The following ODAPH variants were observed in gnomAD, a reference collection of about 807,000 sequenced individuals.
ODAPH encodes the protein amelogenesis imperfecta type IIA4.
Under a neutral mutation model 2.8 loss-of-function variants are expected in ODAPH, and 2 were observed. That is an observed-to-expected ratio of 0.72 (90% confidence interval 0.30 to 2.28). The LOEUF (loss-of-function observed/expected upper bound fraction) is 2.28, where lower values mean the gene tolerates loss of function less well. Ranked by LOEUF, ODAPH falls within the 30% of genes most tolerant of loss-of-function variation. The pLI is 0.13. For missense variants in ODAPH, 159 were observed against 163.3 expected (o/e 0.97, Z 0.14); for synonymous variants, 75 against 60.3 (o/e 1.24, Z -1.13).
chr4:75,564,658 T>C lies in ODAPH; in HGVS notation c.*219T>C, dbSNP rs1180028370. 1.1e-6 allele frequency: 1 copy of C among 897,178 alleles called. No homozygotes were observed. 55.6% of individuals were successfully genotyped at this position (897,178 alleles called of 1,614,324 possible). A position where few individuals can be genotyped will look rare whatever the true frequency, so the allele number is the denominator to read the frequency against. On this transcript the variant is annotated 3_prime_UTR_variant, in exon 2 of 2. Transcript: ENST00000311623. ...GCAAAATTGGACAATAACCACGTTA[T>C]TTTTATCCTCAACCTCTTATGGTCA...
chr4:75,563,161 G>A (rs1244786038), intron 1 of ODAPH: 1 of 151,538 alleles, frequency 6.6e-6, no homozygotes, highest in Non-Finnish European at 1.5e-5. Flanking sequence ...GAGTAGCTGG[G>A]ACTACAGGCG....
At chr4:75,556,465 A>G in intron 1 of ODAPH, 1 of 1,288,916 alleles carries the variant, frequency 7.8e-7, no homozygotes. Context: ...TCTGTGAAAA[A>G]CTCTTCAAGC....
In ODAPH at chr4:75,564,587, C is replaced by T; in HGVS notation, c.*148C>T. On this transcript the variant is annotated 3_prime_UTR_variant, in exon 2 of 2. Coordinates refer to ENST00000311623, the MANE Select transcript of ODAPH (RefSeq NM_178497.5). ...TAAACATCACTGACTAGAAACTGTT[C>T]TCTTTGTCAGCAGTGAAGATATTGG... The T allele has an allele frequency of 6.6e-7, 1 of 1,514,496 alleles. No individual in the cohort carries two copies. Among genetic ancestry groups the T allele is most frequent in the South Asian group, 1.2e-5 (1 of 82,138 alleles). 93.8% of individuals were successfully genotyped at this position (1,514,496 alleles called of 1,614,324 possible).
chr4:75,559,147 A>G (rs145968352), intron 1 of ODAPH, among the ~76,000 whole-genome samples: 153 of 152,352 alleles, frequency 1.0e-3, no homozygotes, highest in African/African-American at 3.6e-3. Flanking sequence ...GCCAGGGACT[A>G]TTCTAGGTGC....
At chr4:75,560,897 A>C (rs1228133947) in intron 1 of ODAPH, among the ~76,000 whole-genome samples, 2 of 152,202 alleles carry the variant, frequency 1.3e-5, no homozygotes, top group Non-Finnish European at 1.5e-5. Context: ...CTGAGCTGAC[A>C]GCAAAATGTC....
intron 1 of ODAPH, among the ~76,000 whole-genome samples, chr4:75,562,957 G>T (rs1727641339): frequency 7.6e-6 from 1 of 132,100 alleles, no homozygotes; most frequent in African/African-American, 2.8e-5. Context: ...TTTTTCAGCT[G>T]AATTTTCTTT....
chr4:75,557,032 A>G (rs149898002), intron 1 of ODAPH, among the ~76,000 whole-genome samples: 31 of 152,208 alleles, frequency 2.0e-4, no homozygotes, highest in African/African-American at 7.5e-4. Flanking sequence ...CTCAGAGCTC[A>G]CAATAGACAG....
In ODAPH at chr4:75,563,005, CTTTTTTTTTTTTTT is replaced by C. The variant is rs542417085; in HGVS notation, c.68-1085_68-1072del. Among the ~76,000 whole-genome samples, 284 of 59,454 alleles carry C rather than the reference CTTTTTTTTTTTTTT, an allele frequency of 4.8e-3. 1 individual carries two copies. The highest frequency in any genetic ancestry group is 6.7e-3 in the Non-Finnish European group (214 of 32,108). The allele number at this position is 59,454 out of a possible 152,430, so 39.0% of individuals were successfully genotyped here. A position where few individuals can be genotyped will look rare whatever the true frequency, so the allele number is the denominator to read the frequency against. On this transcript the variant is annotated intron_variant, in intron 1 of 1. Coordinates refer to ENST00000311623, the MANE Select transcript of ODAPH (RefSeq NM_178497.5). ...TTTACATGCAATAAAATCCACACAT[CTTTTTTTTTTTTTT>C]TTTTTTTTTTTTTTTTTTTTTTTGA... is the stretch of plus-strand genomic sequence containing the variant.
intron 1 of ODAPH, among the ~76,000 whole-genome samples, chr4:75,560,132 G>T (rs1461650088): frequency 1.3e-5 from 2 of 152,168 alleles, no homozygotes; most frequent in Admixed American, 1.3e-4. Context: ...AGGAGGCAGG[G>T]TTAGATTCCA....
Position 75,564,578 on chromosome 4 carries a change from G to A in ODAPH, c.*139G>A, listed in dbSNP as rs1489327847. On this transcript the variant is annotated 3_prime_UTR_variant, in exon 2 of 2. Coordinates refer to ENST00000311623, the MANE Select transcript of ODAPH (RefSeq NM_178497.5). ...TAAGTATCCTAAACATCACTGACTA[G>A]AAACTGTTCTCTTTGTCAGCAGTGA... 6.5e-7 allele frequency: 1 copy of A among 1,534,970 alleles called. No individual in the cohort carries two copies. Among genetic ancestry groups the A allele is most frequent in the African/African-American group, 1.4e-5 (1 of 72,564 alleles).
In ODAPH at chr4:75,556,155, G is replaced by C. The variant is rs1170398296; in HGVS notation, c.67+6G>C. The C allele has an allele frequency of 1.9e-6, 3 of 1,613,656 alleles. No individual in the cohort carries two copies. Among genetic ancestry groups the C allele is most frequent in the African/African-American group, 1.3e-5 (1 of 74,864 alleles). ...GGTGGTAACTGTGGCAGAAGGTAAG[G>C]GTTTTGCTTTTATTCTACTGTGGGT... On this transcript the variant is annotated splice_donor_region_variant and intron_variant, in intron 1 of 1. Coordinates refer to ENST00000311623, the MANE Select transcript of ODAPH (RefSeq NM_178497.5).
chr4:75,564,423 C>T lies in ODAPH; in HGVS notation c.377C>T (p.Ser126Leu), dbSNP rs138123570. Residue 126 changes from serine (S) to leucine (L), a missense_variant, in exon 2 of 2, where the codon TCA (serine) becomes TTA (leucine). Ser to Leu is a moderately radical substitution (Grantham distance 145). Transcript: ENST00000311623. ...FPRRRLQRGSSSEES is the reference protein window; with the variant it reads ...FPRRRLQRGSLSEES ...AGAAGAAGACTCCAGAGAGGAAGCT[C>T]ATCTGAGGAAAGCTGAGAGGGAAGA... is the stretch of plus-strand genomic sequence containing the variant. The T allele has an allele frequency of 7.8e-5, 126 of 1,614,136 alleles. 2 individuals are homozygous for T. The South Asian group carries it at 1.2e-3, about 15-fold the overall frequency.
chr4:75,558,562 G>C (rs1010266692), intron 1 of ODAPH, among the ~76,000 whole-genome samples: 1 of 149,648 alleles, frequency 6.7e-6, no homozygotes, highest in Non-Finnish European at 1.5e-5. Context: ...AAAAGTACTT[G>C]TTTTTAAAGT....
chr4:75,561,539 AG>A (rs1727577429), intron 1 of ODAPH, among the ~76,000 whole-genome samples: 1 of 152,064 alleles, frequency 6.6e-6, no homozygotes, highest in African/African-American at 2.4e-5. Flanking sequence ...AAGAATAGCT[AG>A]GGCTCCCTGA....
chr4:75,556,231 C>G, intron 1 of ODAPH, 82 bp downstream of exon 1: 1 of 1,304,520 alleles, frequency 7.7e-7, no homozygotes, highest in Non-Finnish European at 1.1e-6. Context: ...CATGATTATA[C>G]GTTCCCATAA....
chr4:75,564,204 C>T lies in ODAPH; in HGVS notation c.158C>T (p.Ala53Val). The T allele has an allele frequency of 6.2e-7, 1 of 1,614,206 alleles. No individual in the cohort carries two copies. Among genetic ancestry groups the T allele is most frequent in the Non-Finnish European group, 8.5e-7 (1 of 1,180,040 alleles). ...ATCTTTACACTCACCCCTCCACCTG[C>T]CCCGAGGAGTCCGGTCACAAGGGCC... Reference protein sequence around the residue: ...CQIFTLTPPPAPRSPVTRAQP... With the variant: ...CQIFTLTPPPVPRSPVTRAQP... Residue 53 changes from alanine to valine, a missense_variant, in exon 2 of 2, where the codon GCC becomes GTC. Physicochemically the swap from Ala to Val is moderately conservative, Grantham distance 64. Coordinates refer to ENST00000311623, the MANE Select transcript of ODAPH (RefSeq NM_178497.5).
intron 1 of ODAPH, among the ~76,000 whole-genome samples, chr4:75,562,452 G>T (rs958875901): frequency 6.6e-6 from 1 of 150,862 alleles, no homozygotes; most frequent in Non-Finnish European, 1.5e-5. Flanking sequence ...CAATTCTCCT[G>T]CCTCAGCCTC....
intron 1 of ODAPH, among the ~76,000 whole-genome samples, chr4:75,558,958 A>G (rs2148841521): frequency 6.6e-6 from 1 of 152,310 alleles, no homozygotes; most frequent in East Asian, 1.9e-4. Flanking sequence ...AGCCTCCCAA[A>G]GTGCTGGGAT....
At position 75,564,047 on chromosome 4, in the gene ODAPH, C is replaced by T; in HGVS notation, c.68-67C>T. 2.2e-6 allele frequency: 3 copies of T among 1,392,862 alleles called. No individual in the cohort carries two copies. In the Admixed American group the frequency reaches 5.2e-5, roughly 24 times the overall value. The allele number at this position is 1,392,862 out of a possible 1,614,324, so 86.3% of individuals were successfully genotyped here. On this transcript the variant is annotated intron_variant, in intron 1 of 1. Coordinates refer to ENST00000311623, the MANE Select transcript of ODAPH (RefSeq NM_178497.5). Reference sequence around the variant, plus strand: ...TCTTCCCATCTTTCTCCTCTGCCACCACTCTAAACCACTCTTCTGCTTCTG... The same window carrying T: ...TCTTCCCATCTTTCTCCTCTGCCACTACTCTAAACCACTCTTCTGCTTCTG...
Sources: gnomAD v4.1 joint callset for allele counts (sites outside exome capture counted in the v4.1 genomes callset) on GRCh38, gnomAD v4.1.1 for gene constraint, MANE v1.5 for transcripts, NCBI Gene and HGNC (gene_info 2026-07-23, HGNC 2026-07-21) for gene names.